NAALADL2: variants seen among roughly 807,000 people sequenced by gnomAD.
The protein encoded by NAALADL2 is inactive N-acetylated-alpha-linked acidic dipeptidase-like protein 2.
Under a neutral mutation model 87.2 loss-of-function variants are expected in NAALADL2, and 76 were observed. The ratio of observed to expected loss-of-function variants is 0.87; its 90% confidence interval spans 0.72 to 1.05. The LOEUF (loss-of-function observed/expected upper bound fraction) is 1.05, where lower values mean the gene tolerates loss of function less well. Among genes scored for constraint, NAALADL2 ranks in the 50% least tolerant of loss-of-function variants. The pLI is 0.00. For synonymous variants in NAALADL2, 354 were observed against 331.0 expected, an observed-to-expected ratio of 1.07 and a Z score of -0.75; for missense variants, 1,089 against 945.8, an observed-to-expected ratio of 1.15 and a Z score of -1.99.
intron 1 of NAALADL2, among the ~76,000 whole-genome samples, chr3:175,042,882 C>T (rs1228609908): frequency 1.3e-5 from 2 of 152,030 alleles, no homozygotes; most frequent in Non-Finnish European, 2.9e-5. Context: ...TTAATGCCCT[C>T]CCTAGGGAGT....
chr3:175,171,004 A>G (rs193215650), intron 2 of NAALADL2, among the ~76,000 whole-genome samples: 1 of 152,040 alleles, frequency 6.6e-6, no homozygotes, highest in Admixed American at 6.6e-5. Flanking sequence ...TTTTTTCCCA[A>G]TTTCTCTAGT....
intron 9 of NAALADL2, among the ~76,000 whole-genome samples, chr3:175,541,948 G>A (rs1327749854): frequency 5.9e-5 from 9 of 152,032 alleles, no homozygotes; most frequent in African/African-American, 1.9e-4. Context: ...CTCAAACTTA[G>A]CTTCAAGTGA....
At chr3:174,946,948 A>T (rs1739516467) in intron 1 of NAALADL2, among the ~76,000 whole-genome samples, 1 of 152,190 alleles carries the variant, frequency 6.6e-6, no homozygotes, top group Non-Finnish European at 1.5e-5. Context: ...TAGCTCACAG[A>T]CTTAATAAAG....
chr3:175,533,946 A>G (rs928565539), intron 9 of NAALADL2, among the ~76,000 whole-genome samples: 1 of 151,844 alleles, frequency 6.6e-6, no homozygotes, highest in Non-Finnish European at 1.5e-5. Context: ...GGTTCTCCAC[A>G]TATGGTCAAA....
At chr3:174,769,652 G>A (rs553331443) in intron 3 of NAALADL2, among the ~76,000 whole-genome samples, 2 of 150,672 alleles carry the variant, frequency 1.3e-5, no homozygotes, top group South Asian at 4.2e-4. Context: ...AATGAAAAAG[G>A]CACAGAAAAT....
intron 9 of NAALADL2, among the ~76,000 whole-genome samples, chr3:175,563,611 T>G (rs1716639373): frequency 1.3e-5 from 2 of 152,190 alleles, no homozygotes; most frequent in Admixed American, 6.5e-5. Context: ...CAAACTCTTT[T>G]AAGTATCTAT....
chr3:175,561,703 G>A (rs1265121866), intron 9 of NAALADL2, among the ~76,000 whole-genome samples: 1 of 151,982 alleles, frequency 6.6e-6, no homozygotes, highest in East Asian at 1.9e-4. Context: ...ACCAGATTAA[G>A]GCCCTACACT....
chr3:174,741,703 AT>A (rs1383240273), intron 3 of NAALADL2, among the ~76,000 whole-genome samples: 2 of 151,672 alleles, frequency 1.3e-5, no homozygotes, highest in Non-Finnish European at 3.0e-5. Flanking sequence ...ATATAGATAA[AT>A]TTTTAGCCTA....
intron 5 of NAALADL2, among the ~76,000 whole-genome samples, chr3:175,426,971 T>A (rs888858861): frequency 6.6e-6 from 1 of 152,192 alleles, no homozygotes; most frequent in African/African-American, 2.4e-5. Flanking sequence ...TCATGATGAC[T>A]GTTCACATAC....
chr3:175,310,436 A>G (rs931084328), intron 4 of NAALADL2, among the ~76,000 whole-genome samples: 3 of 152,014 alleles, frequency 2.0e-5, no homozygotes. Context: ...TCTTATACAC[A>G]TTGACGTATC....
At chr3:175,785,890 G>A (rs1751871022) in intron 13 of NAALADL2, among the ~76,000 whole-genome samples, 1 of 149,452 alleles carries the variant, frequency 6.7e-6, no homozygotes, top group Non-Finnish European at 1.5e-5. Flanking sequence ...GCTCTTTTAG[G>A]GCAGGCCTGG....
At chr3:175,041,833 C>CG (rs1754109010) in intron 1 of NAALADL2, among the ~76,000 whole-genome samples, 2 of 151,980 alleles carry the variant, frequency 1.3e-5, no homozygotes, top group African/African-American at 2.4e-5. Flanking sequence ...TCGAAAGGTA[C>CG]AATGTATATT....
At chr3:174,778,514 G>T (rs1578887157) in intron 3 of NAALADL2, among the ~76,000 whole-genome samples, 1 of 151,820 alleles carries the variant, frequency 6.6e-6, no homozygotes, top group African/African-American at 2.4e-5. Context: ...TTAAGTTCTG[G>T]GATACATGTG....
intron 3 of NAALADL2, among the ~76,000 whole-genome samples, chr3:174,833,863 A>T: frequency 6.6e-6 from 1 of 150,894 alleles, no homozygotes; most frequent in East Asian, 2.0e-4. Context: ...CCCATTTATC[A>T]TATTGAATAT....
At chr3:175,705,968 G>A (rs1395155384) in intron 11 of NAALADL2, among the ~76,000 whole-genome samples, 1 of 152,120 alleles carries the variant, frequency 6.6e-6, no homozygotes, top group South Asian at 2.1e-4. Context: ...AAGTAACATG[G>A]CATTTTCGGC....
At position 175,804,807 on chromosome 3, in the gene NAALADL2, T is replaced by G. The variant is rs1245036210; in HGVS notation, c.*1604T>G. 6.6e-6 allele frequency: 1 copy of G among 151,896 alleles called. No individual in the cohort carries two copies. The allele number at this position is 151,896 out of a possible 1,614,324, so 9.4% of individuals were successfully genotyped here. ...CACTGTCTACCCTAAATAATTTTTA[T>G]ATGCTCAAGGCAAAGCAGGGAATAG... On this transcript the variant is annotated 3_prime_UTR_variant, in exon 14 of 14. Transcript: ENST00000454872.
chr3:175,363,599 A>T (rs1447217193), intron 5 of NAALADL2, among the ~76,000 whole-genome samples: 1 of 147,858 alleles, frequency 6.8e-6, no homozygotes, highest in Non-Finnish European at 1.5e-5. Context: ...TCAACTAAAC[A>T]CACGCATACA....
intron 11 of NAALADL2, among the ~76,000 whole-genome samples, chr3:175,730,395 GATATATATAT>G (rs5854656): frequency 0.073 from 4,061 of 55,642 alleles, 161 homozygotes; most frequent in Admixed American, 0.084. Flanking sequence ...ACTTAATACA[GATATATATAT>G]ATATATATAT....
intron 9 of NAALADL2, among the ~76,000 whole-genome samples, chr3:175,516,155 T>G (rs1403936388): frequency 2.0e-5 from 3 of 152,228 alleles, no homozygotes; most frequent in African/African-American, 7.2e-5. Flanking sequence ...TGGTAATTGC[T>G]GAGGCCATTT....
Sources: gnomAD v4.1 joint callset for allele counts (sites outside exome capture counted in the v4.1 genomes callset) on GRCh38, gnomAD v4.1.1 for gene constraint, MANE v1.5 for transcripts, NCBI Gene and HGNC (gene_info 2026-07-23, HGNC 2026-07-21) for gene names.